The following RYR3 variants were observed in gnomAD, a reference collection of about 807,000 sequenced individuals.
RYR3 encodes brain ryanodine receptor-calcium release channel.
A neutral mutation model predicts 584.3 loss-of-function variants in RYR3; 207 were observed. The ratio of observed to expected loss-of-function variants is 0.35; its 90% CI spans 0.32 to 0.40. RYR3 has a LOEUF of 0.40. RYR3 is among the 10% of genes least tolerant of loss of function. RYR3 has a pLI of 1.00. For missense variants in RYR3, 5,616 were observed against 6,089.2 expected (o/e 0.92, Z 2.59); for synonymous variants, 2,416 against 2,248.5 (o/e 1.07, Z -2.11).
At position 33,821,380 on chromosome 15, in the gene RYR3, T is replaced by TA; in HGVS notation, c.10915+12dup. The TA allele has an allele frequency of 1.3e-6, 2 of 1,596,538 alleles. No homozygotes were observed. Among genetic ancestry groups the TA allele is most frequent in the Non-Finnish European group, 1.7e-6 (2 of 1,170,886 alleles). On this transcript the variant is annotated intron_variant, in intron 79 of 103. Transcript: ENST00000634891. ...TAAGCGCTAGCAAAGGTGATTTCCC[T>TA]AGTTTCTGGATGGGCTTATGTAACT...
chr15:33,736,122 G>A, intron 48 of RYR3, 113 bp from the exon 49 acceptor site: 1 of 637,846 alleles, frequency 1.6e-6, no homozygotes, highest in Non-Finnish European at 2.8e-6. Flanking sequence ...TTGTGTATTA[G>A]GAGCTGTTTT....
chr15:33,550,115 T>G lies in RYR3; in HGVS notation c.816-45T>G, dbSNP rs769797146. On this transcript the variant is annotated intron_variant, in intron 9 of 103. Transcript: ENST00000634891. Reference sequence around the variant, plus strand: ...GCATAGGATAAATACTGAAAAGGACTTATTTTTGTATAAATGCAATTTCTT... The same window carrying G: ...GCATAGGATAAATACTGAAAAGGACGTATTTTTGTATAAATGCAATTTCTT... 3 of 1,594,362 alleles carry G rather than the reference T, an allele frequency of 1.9e-6. No homozygotes were observed. In the African/African-American group the frequency reaches 4.0e-5, roughly 21 times the overall value.
intron 3 of RYR3, among the ~76,000 whole-genome samples, chr15:33,518,278 G>T (rs1334586381): frequency 1.3e-5 from 2 of 152,100 alleles, no homozygotes; most frequent in South Asian, 2.1e-4. Context: ...CATTCTTTTC[G>T]GTGCCAAGTT....
At chr15:33,672,981 T>C (rs150764912) in intron 38 of RYR3, among the ~76,000 whole-genome samples, 2 of 152,342 alleles carry the variant, frequency 1.3e-5, no homozygotes, top group African/African-American at 4.8e-5. Flanking sequence ...CTAAGGTACG[T>C]AAAGTGAGTA....
intron 51 of RYR3, 46 bp downstream of exon 51, chr15:33,740,041 A>G: frequency 1.3e-6 from 2 of 1,559,904 alleles, no homozygotes; most frequent in African/African-American, 1.4e-5. Context: ...TTTGTCCAAT[A>G]GCCAATGTTT....
chr15:33,664,610 TATATAC>T (rs1353333914), intron 36 of RYR3, among the ~76,000 whole-genome samples: 6 of 141,224 alleles, frequency 4.2e-5, no homozygotes, highest in African/African-American at 1.3e-4. Flanking sequence ...TATATATATA[TATATAC>T]GTATGTATAC....
intron 51 of RYR3, 27 bp downstream of exon 51, chr15:33,740,022 G>A: frequency 6.2e-7 from 1 of 1,608,444 alleles, no homozygotes; most frequent in Non-Finnish European, 8.5e-7. Context: ...CTCTGAGCTG[G>A]TGCTGTATTT....
chr15:33,763,494 G>A lies in RYR3; in HGVS notation c.8706-5164G>A, dbSNP rs546856832. Among the ~76,000 whole-genome samples the A allele has an allele frequency of 4.6e-5, 7 of 152,064 alleles. No homozygotes were observed. The South Asian group carries it at 1.5e-3, about 32-fold the overall frequency. The stretch of plus-strand genomic sequence containing the variant: ...ACTTTTCAAAAGAAGACATTTATGC[G>A]GCCAACAAACATATGAAAAAAGCTC... On this transcript the variant is annotated intron_variant, in intron 60 of 103. Coordinates refer to ENST00000634891, the MANE Select transcript of RYR3 (RefSeq NM_001036.6).
At chr15:33,749,871 T>C (rs2071110442) in intron 55 of RYR3, 108 bp from the exon 56 acceptor site, 6 of 822,392 alleles carry the variant, frequency 7.3e-6, no homozygotes, top group Middle Eastern at 3.6e-4. Flanking sequence ...CTGCTGTTAG[T>C]GTTCAGTGGT....
At chr15:33,560,886 C>T (rs1595595778) in intron 10 of RYR3, among the ~76,000 whole-genome samples, 2 of 150,256 alleles carry the variant, frequency 1.3e-5, no homozygotes, top group Admixed American at 1.3e-4. Flanking sequence ...TCATACTTAT[C>T]CTTGGATGTT....
chr15:33,810,871 A>T, intron 71 of RYR3, 107 bp from the exon 72 acceptor site: 1 of 1,144,708 alleles, frequency 8.7e-7, no homozygotes, highest in South Asian at 1.4e-5. Flanking sequence ...TGTTCTTCTG[A>T]TAAAGATCCC....
intron 1 of RYR3, among the ~76,000 whole-genome samples, chr15:33,380,667 G>A (rs2041118812): frequency 1.3e-5 from 2 of 152,338 alleles, no homozygotes; most frequent in Middle Eastern, 3.4e-3. Flanking sequence ...TTTGCACATG[G>A]CGCTAAGCCA....
chr15:33,357,835 G>A (rs375460795), intron 1 of RYR3, among the ~76,000 whole-genome samples: 24 of 152,204 alleles, frequency 1.6e-4, no homozygotes, highest in East Asian at 1.5e-3. Context: ...AGTCACCAGC[G>A]AGCCTAATCA....
intron 74 of RYR3, 119 bp downstream of exon 74, chr15:33,813,698 G>T: frequency 2.4e-6 from 2 of 829,708 alleles, no homozygotes; most frequent in Non-Finnish European, 4.0e-6. Context: ...CTTGGCCTAT[G>T]GAGCTATTGC....
chr15:33,333,308 C>T (rs1449505775), intron 1 of RYR3, among the ~76,000 whole-genome samples: 1 of 152,004 alleles, frequency 6.6e-6, no homozygotes, highest in East Asian at 1.9e-4. Context: ...TGTAAAAATC[C>T]TCAACAGTAT....
intron 1 of RYR3, among the ~76,000 whole-genome samples, chr15:33,419,024 G>A (rs1049945835): frequency 6.6e-6 from 1 of 152,162 alleles, no homozygotes; most frequent in East Asian, 1.9e-4. Context: ...GTGGTATGGT[G>A]TACAGCCATC....
intron 60 of RYR3, among the ~76,000 whole-genome samples, chr15:33,759,669 T>C (rs1303391115): frequency 3.3e-5 from 5 of 152,208 alleles, no homozygotes; most frequent in African/African-American, 9.7e-5. Flanking sequence ...CTACGTTTGA[T>C]TGGTGTACCT....
At chr15:33,400,441 A>G (rs568910047) in intron 1 of RYR3, among the ~76,000 whole-genome samples, 1 of 152,290 alleles carries the variant, frequency 6.6e-6, no homozygotes, top group African/African-American at 2.4e-5. Context: ...TGATGAAGCT[A>G]ATTGATGACA....
chr15:33,548,351 T>C (rs2141222824), intron 9 of RYR3, 147 bp downstream of exon 9: 2 of 580,882 alleles, frequency 3.4e-6, no homozygotes, highest in Non-Finnish European at 6.1e-6. Context: ...TTCTGTGACT[T>C]TGTTTTTAAA....
Sources: allele counts gnomAD v4.1 joint callset (sites outside exome capture counted in the v4.1 genomes callset), GRCh38; gene constraint gnomAD v4.1.1; transcripts MANE v1.5; gene names NCBI Gene and HGNC (gene_info 2026-07-23, HGNC 2026-07-21).